ZMYM6: variants seen among roughly 807,000 people sequenced by gnomAD.
ZMYM6 encodes the protein zinc finger MYM-type protein 6.
In ZMYM6, 90 loss-of-function variants were observed where a neutral mutation model predicts 134.0. The ratio of observed to expected loss-of-function variants is 0.67; its 90% CI spans 0.57 to 0.80. ZMYM6 has a LOEUF of 0.80. Ranked by LOEUF, ZMYM6 falls within the 30% of genes least tolerant of loss-of-function variation. The pLI is 0.00. For missense variants in ZMYM6, 1,362 were observed against 1,533.9 expected, an observed-to-expected ratio of 0.89 and a Z score of 1.87; for synonymous variants, 481 against 524.1, an observed-to-expected ratio of 0.92 and a Z score of 1.12.
Position 35,011,884 on chromosome 1 carries a change from T to C in ZMYM6, c.1062+6A>G. 6.3e-7 allele frequency: 1 copy of C among 1,586,174 alleles called. No homozygotes were observed. Among genetic ancestry groups the C allele is most frequent in the African/African-American group, 1.3e-5 (1 of 74,244 alleles). On this transcript the variant is annotated splice_donor_region_variant and intron_variant, in intron 8 of 15. Coordinates refer to ENST00000357182, the MANE Select transcript of ZMYM6 (RefSeq NM_007167.4). The stretch of plus-strand genomic sequence containing the variant: ...CACATGCATAATGTGCTACCTTAGA[T>C]CATACCTGGAAAGCAACCACACAAC...
intron 6 of ZMYM6, chr1:35,013,091 T>A: frequency 1.1e-6 from 1 of 893,428 alleles, no homozygotes; most frequent in Non-Finnish European, 1.3e-6. Context: ...AGTTTATTCA[T>A]GTTTTAAGAA....
rs371642642 is a variant in ZMYM6 at position 35,010,829 on chromosome 1, T to A, written c.1270A>T (p.Thr424Ser). ...TGCTGACACTTGAGTTTAACAACTG[T>A]ATGGGTTAAAGCAACTTGCTGGGAT... ...EQSQQVALTH[T>S]VVKLKCQHCN... The change falls in exon 9 of 16, where the codon ACA becomes TCA. Residue 424 changes from threonine (T) to serine (S), a missense_variant. Physicochemically the swap from Thr to Ser is moderately conservative, Grantham distance 58. Around this residue, in one of 3 missense-constraint regions of ZMYM6, gnomAD observed 503 missense variants for 520.8 expected, o/e 0.97. Coordinates refer to ENST00000357182, the MANE Select transcript of ZMYM6 (RefSeq NM_007167.4). 1.2e-6 allele frequency: 2 copies of A among 1,610,102 alleles called. No homozygotes were observed. Among genetic ancestry groups the A allele is most frequent in the Non-Finnish European group, 1.7e-6 (2 of 1,178,762 alleles).
intron 2 of ZMYM6, among the ~76,000 whole-genome samples, chr1:35,023,750 T>C (rs1377080544): frequency 6.6e-6 from 1 of 151,120 alleles, no homozygotes; most frequent in East Asian, 2.0e-4. Flanking sequence ...GCCTCCGGAG[T>C]AGCTGGGACT....
intron 2 of ZMYM6, among the ~76,000 whole-genome samples, chr1:35,022,958 A>G (rs924409111): frequency 1.3e-5 from 2 of 152,198 alleles, no homozygotes; most frequent in African/African-American, 4.8e-5. Flanking sequence ...CTTAGTTTCA[A>G]TTTCTTTATC....
intron 14 of ZMYM6, among the ~76,000 whole-genome samples, chr1:34,996,536 C>G (rs1640787260): frequency 6.6e-6 from 1 of 152,188 alleles, no homozygotes; most frequent in Non-Finnish European, 1.5e-5. Context: ...TATTAGTTGT[C>G]TTCCAGGGAT....
intron 1 of ZMYM6, 64 bp from the exon 2 acceptor site, chr1:35,030,777 G>A (rs1006650902): frequency 2.4e-5 from 20 of 842,038 alleles, no homozygotes; most frequent in Non-Finnish European, 3.5e-5. Context: ...GAAAAACTTT[G>A]TGTTGAGTGC....
At chr1:35,029,394 T>C (rs1033560932) in intron 2 of ZMYM6, among the ~76,000 whole-genome samples, 7 of 152,182 alleles carry the variant, frequency 4.6e-5, no homozygotes, top group African/African-American at 1.2e-4. Flanking sequence ...GGTAAACTAT[T>C]TGGCTTTTTT....
chr1:34,997,362 G>GGCGT (rs1482990275), intron 14 of ZMYM6, among the ~76,000 whole-genome samples: 1 of 152,192 alleles, frequency 6.6e-6, no homozygotes, highest in Non-Finnish European at 1.5e-5. Context: ...GGAGTGCAGT[G>GGCGT]GCGTGATCTC....
chr1:35,013,305 T>C, intron 6 of ZMYM6: 1 of 913,618 alleles, frequency 1.1e-6, no homozygotes, highest in Non-Finnish European at 1.3e-6. Flanking sequence ...ACTCATTTCA[T>C]CAGGCTCCAA....
At chr1:35,014,385 T>G (rs1053071261) in intron 6 of ZMYM6, among the ~76,000 whole-genome samples, 1 of 152,186 alleles carries the variant, frequency 6.6e-6, no homozygotes, top group African/African-American at 2.4e-5. Context: ...AGTGGATGGC[T>G]TGAGCTCAGG....
rs1640833405 is a variant in ZMYM6, at chr1:34,998,946, A to T, written c.1992+5022T>A. Among the ~76,000 whole-genome samples, 3 of 152,092 alleles carry T rather than the reference A, an allele frequency of 2.0e-5. No homozygotes were observed. The South Asian group carries it at 6.2e-4, about 31-fold the overall frequency. On this transcript the variant is annotated intron_variant, in intron 14 of 15. Transcript: ENST00000357182. ...AGACCAGCCTGGGCAACATAGCGAG[A>T]CCTCATCTCTACTAAAAATGTACAA...
intron 2 of ZMYM6, among the ~76,000 whole-genome samples, chr1:35,026,047 G>A (rs1472488476): frequency 6.6e-6 from 1 of 151,912 alleles, no homozygotes; most frequent in Non-Finnish European, 1.5e-5. Flanking sequence ...TTTAGATGGA[G>A]TCTCCCTTTG....
rs1301382762 is a variant in ZMYM6, at chr1:34,988,659, G to T, written c.2423C>A (p.Ser808Tyr). Reference protein sequence around the residue: ...NKPVDFFEQKSLEMECQNSSL... With the variant: ...NKPVDFFEQKYLEMECQNSSL... ...ACTATTTTGACATTCCATTTCTAAA[G>T]ATTTTTGTTCAAAAAAATCTACTGG... Residue 808 changes from serine to tyrosine, a missense_variant, in exon 16 of 16, where the codon TCT becomes TAT. This residue lies in a region of ZMYM6 where 824 missense variants were observed against 940.9 expected (regional missense o/e 0.88). Coordinates refer to ENST00000357182, the MANE Select transcript of ZMYM6 (RefSeq NM_007167.4). 1 of 1,547,006 alleles carries T rather than the reference G, an allele frequency of 6.5e-7. No homozygotes were observed. Among genetic ancestry groups the T allele is most frequent in the Admixed American group, 2.0e-5 (1 of 50,194 alleles).
rs1018755845 is a variant in ZMYM6 at position 35,007,207 on chromosome 1, G to A, written c.1666-109C>T. On this transcript the variant is annotated intron_variant, in intron 11 of 15. Coordinates refer to ENST00000357182, the MANE Select transcript of ZMYM6 (RefSeq NM_007167.4). The stretch of plus-strand genomic sequence containing the variant: ...AAAACAGGATATATGAGTCAGTTGA[G>A]ACTACAAAATGTAAGGTTCTTACCT... 1.7e-5 allele frequency: 19 copies of A among 1,087,942 alleles called. No individual in the cohort carries two copies. In the South Asian group the frequency reaches 3.3e-4, roughly 19 times the overall value. 67.4% of individuals were successfully genotyped at this position (1,087,942 alleles called of 1,614,324 possible).
Position 35,014,703 on chromosome 1 carries a change from G to A in ZMYM6, c.789C>T (p.Tyr263=). 2 of 1,613,492 alleles carry A rather than the reference G, an allele frequency of 1.2e-6. No individual in the cohort carries two copies. Among genetic ancestry groups the A allele is most frequent in the Non-Finnish European group, 8.5e-7 (1 of 1,179,706 alleles). ...KVFSSTSVTA[Y]KQNSAQIPPY... is the part of the protein sequence containing the mutation. ...AACAAATAGATATTCATACCTGCTT[G>A]TATGCCGTGACACTTGTTGAACTAA... Residue 263 remains tyrosine, a synonymous_variant, in exon 6 of 16, where the codon TAC becomes TAT. Transcript: ENST00000357182.
At chr1:35,011,855 G>C in intron 8 of ZMYM6, 35 bp downstream of exon 8, 6 of 1,426,870 alleles carry the variant, frequency 4.2e-6, no homozygotes, top group Non-Finnish European at 4.8e-6. Context: ...ATGCCTAACA[G>C]AACCACATGC....
At chr1:35,005,457 A>T (rs1319358043) in intron 12 of ZMYM6, among the ~76,000 whole-genome samples, 185 bp from the exon 13 acceptor site, 1 of 152,008 alleles carries the variant, frequency 6.6e-6, no homozygotes, top group African/African-American at 2.4e-5. Context: ...ACTTAAAGAG[A>T]GTCCAATTCT....
At chr1:35,006,797 G>A (rs1640988146) in intron 12 of ZMYM6, among the ~76,000 whole-genome samples, 154 bp downstream of exon 12, 1 of 152,096 alleles carries the variant, frequency 6.6e-6, no homozygotes, top group Non-Finnish European at 1.5e-5. Flanking sequence ...TTCCCTCAAG[G>A]GGAAATCTTA....
intron 1 of ZMYM6, among the ~76,000 whole-genome samples, chr1:35,031,062 A>G (rs1340279304): frequency 2.6e-5 from 4 of 152,230 alleles, no homozygotes; most frequent in Non-Finnish European, 4.4e-5. Context: ...TTCTGACCCC[A>G]TAAGAATCAG....
Sources: allele counts gnomAD v4.1 joint callset (sites outside exome capture counted in the v4.1 genomes callset), GRCh38; gene constraint gnomAD v4.1.1; regional missense constraint gnomAD v4.1.1; transcripts MANE v1.5; gene names NCBI Gene and HGNC (gene_info 2026-07-23, HGNC 2026-07-21).